Variants in CCDC178 observed in about 807,000 individuals in gnomAD.
CCDC178 encodes coiled-coil domain containing 178.
In CCDC178, 126 loss-of-function variants were observed where a neutral mutation model predicts 117.4. The observed-to-expected ratio is 1.07, with a 90% confidence interval of 0.93 to 1.24. The LOEUF (loss-of-function observed/expected upper bound fraction) is 1.24, where lower values mean the gene tolerates loss of function less well. Ranked by LOEUF, CCDC178 falls within the 50% of genes most tolerant of loss-of-function variation. The pLI is 0.00. For missense variants in CCDC178, 1,030 were observed against 986.9 expected (o/e 1.04, Z -0.59); for synonymous variants, 283 against 313.4 (o/e 0.90, Z 1.02).
At chr18:33,054,237 A>G (rs1243262667) in intron 21 of CCDC178, among the ~76,000 whole-genome samples, 2 of 152,284 alleles carry the variant, frequency 1.3e-5, no homozygotes, top group African/African-American at 4.8e-5. Flanking sequence ...TCAAATAAAT[A>G]TGACAGTCAT....
At chr18:33,389,477 A>G (rs927951402) in intron 5 of CCDC178, 63 bp downstream of exon 5, 2 of 692,814 alleles carry the variant, frequency 2.9e-6, no homozygotes, top group Middle Eastern at 4.0e-4. Context: ...GACATTATAG[A>G]CTAATGAGAT....
intron 21 of CCDC178, among the ~76,000 whole-genome samples, chr18:33,003,148 G>C (rs1392684370): frequency 1.3e-5 from 2 of 152,038 alleles, no homozygotes; most frequent in Non-Finnish European, 2.9e-5. Context: ...AAAAATAGAG[G>C]AGTTAGAAAC....
At position 33,011,895 on chromosome 18, in the gene CCDC178, C is replaced by T. The variant is rs149230118; in HGVS notation, c.2389-37214G>A. Among the ~76,000 whole-genome samples, 559 of 142,680 alleles carry T rather than the reference C, an allele frequency of 3.9e-3. 4 individuals carry two copies. Among genetic ancestry groups the T allele is most frequent in the African/African-American group, 0.013 (521 of 38,928 alleles). The allele number at this position is 142,680 out of a possible 152,430, so 93.6% of individuals were successfully genotyped here. A position where few individuals can be genotyped will look rare whatever the true frequency, so the allele number is the denominator to read the frequency against. On this transcript the variant is annotated intron_variant, in intron 21 of 22. Coordinates refer to ENST00000383096, the MANE Select transcript of CCDC178 (RefSeq NM_001105528.4). ...GATGGTTACGGTGGGCTGCAGTGAT[C>T]GGGCTATAGGCATATGTGACTGAGT...
At chr18:33,040,382 A>G (rs902758324) in intron 21 of CCDC178, among the ~76,000 whole-genome samples, 1 of 151,948 alleles carries the variant, frequency 6.6e-6, no homozygotes, top group African/African-American at 2.4e-5. Flanking sequence ...AGAAGATAAA[A>G]CAAATGTATA....
chr18:33,406,585 AG>A (rs1354077285), intron 3 of CCDC178, among the ~76,000 whole-genome samples: 2 of 152,140 alleles, frequency 1.3e-5, no homozygotes, highest in Non-Finnish European at 2.9e-5. Flanking sequence ...AAAGATTGAA[AG>A]GATAAAAATT....
rs572306437 is a variant in CCDC178 at position 33,173,749 on chromosome 18, G to A, written c.2238+38147C>T. Among the ~76,000 whole-genome samples the A allele has an allele frequency of 6.6e-5, 10 of 152,292 alleles. No individual in the cohort carries two copies. The South Asian group carries it at 2.1e-3, about 32-fold the overall frequency. ...TCCTTCCTTTGTCTTGCATTGATGA[G>A]AACACTTGGTATACAGAGTTCTCTC... On this transcript the variant is annotated intron_variant, in intron 20 of 22. Coordinates refer to ENST00000383096, the MANE Select transcript of CCDC178 (RefSeq NM_001105528.4).
In CCDC178 at chr18:33,379,498, C is replaced by A. The variant is rs2063412782; in HGVS notation, c.209-9309G>T. 2.6e-5 allele frequency among the ~76,000 whole-genome samples: 4 copies of A among 152,140 alleles called. No individual in the cohort carries two copies. The South Asian group carries it at 8.3e-4, about 32-fold the overall frequency. The stretch of plus-strand genomic sequence containing the variant: ...ATTCCTGGAGTATACAGTCTGAGTT[C>A]CCTCTAGATGGGCAGGACACTCTGG... On this transcript the variant is annotated intron_variant, in intron 5 of 22. Coordinates refer to ENST00000383096, the MANE Select transcript of CCDC178 (RefSeq NM_001105528.4).
intron 10 of CCDC178, among the ~76,000 whole-genome samples, chr18:33,329,904 T>C (rs1450852167): frequency 1.3e-5 from 2 of 149,686 alleles, no homozygotes; most frequent in Non-Finnish European, 3.0e-5. Flanking sequence ...TGTGTGTGTG[T>C]GTGTGTGTGT....
intron 20 of CCDC178, among the ~76,000 whole-genome samples, chr18:33,174,060 G>C (rs2058635371): frequency 1.3e-5 from 2 of 152,158 alleles, no homozygotes; most frequent in Non-Finnish European, 2.9e-5. Flanking sequence ...TCTGCAGGCT[G>C]TACAGGAAGC....
At chr18:33,314,147 G>A (rs907711993) in intron 11 of CCDC178, among the ~76,000 whole-genome samples, 1 of 135,670 alleles carries the variant, frequency 7.4e-6, no homozygotes, top group Non-Finnish European at 1.5e-5. Flanking sequence ...CTTGCAGTGA[G>A]CCGAGATCCC....
chr18:33,190,927 A>G (rs1174741381), intron 20 of CCDC178, among the ~76,000 whole-genome samples: 2 of 152,136 alleles, frequency 1.3e-5, no homozygotes, highest in African/African-American at 4.8e-5. Flanking sequence ...CAGTCCTTCT[A>G]TTCAAATACA....
chr18:33,371,784 T>TACACACAC (rs146013235), intron 5 of CCDC178, among the ~76,000 whole-genome samples: 20,602 of 144,112 alleles, frequency 0.14, 1,610 homozygotes, highest in Non-Finnish European at 0.18. Flanking sequence ...TAAACATATA[T>TACACACAC]ACACACACAC....
chr18:32,981,662 C>T (rs966088173), intron 21 of CCDC178, among the ~76,000 whole-genome samples: 8 of 152,116 alleles, frequency 5.3e-5, no homozygotes, highest in African/African-American at 1.9e-4. Flanking sequence ...TCCTATTATA[C>T]GTGACCATCT....
chr18:33,036,030 T>C (rs943622585), intron 21 of CCDC178, among the ~76,000 whole-genome samples: 47 of 151,996 alleles, frequency 3.1e-4, no homozygotes, highest in African/African-American at 1.0e-3. Context: ...CTTGAAAAAA[T>C]AGTAATGTGG....
intron 14 of CCDC178, among the ~76,000 whole-genome samples, chr18:33,258,612 C>A (rs1273362441): frequency 6.6e-6 from 1 of 152,116 alleles, no homozygotes; most frequent in African/African-American, 2.4e-5. Flanking sequence ...TTTTCCTATA[C>A]AACAATGTAA....
chr18:33,151,218 C>T (rs930633471), intron 20 of CCDC178, among the ~76,000 whole-genome samples: 9 of 151,962 alleles, frequency 5.9e-5, no homozygotes, highest in Non-Finnish European at 1.3e-4. Flanking sequence ...CAAAATACCA[C>T]CTGTACCCCA....
chr18:32,937,583 T>A lies in CCDC178; in HGVS notation c.*428A>T, dbSNP rs2054147042. Reference sequence around the variant, plus strand: ...GTACATTAGACAGAGTGTCTCAAAGTGTCACATGGGCATAGATATTGTTAC... The same window carrying A: ...GTACATTAGACAGAGTGTCTCAAAGAGTCACATGGGCATAGATATTGTTAC... On this transcript the variant is annotated 3_prime_UTR_variant, in exon 23 of 23. Coordinates refer to ENST00000383096, the MANE Select transcript of CCDC178 (RefSeq NM_001105528.4). 1 of 161,182 alleles carries A rather than the reference T, an allele frequency of 6.2e-6. No individual in the cohort carries two copies. The highest frequency in any genetic ancestry group is 1.8e-4 in the East Asian group (1 of 5,640). The allele number at this position is 161,182 out of a possible 1,614,324, so 10.0% of individuals were successfully genotyped here.
At chr18:33,111,252 T>G (rs1350207951) in intron 20 of CCDC178, among the ~76,000 whole-genome samples, 1 of 151,616 alleles carries the variant, frequency 6.6e-6, no homozygotes. Context: ...TATCCATTGA[T>G]TCTCACAAAT....
intron 6 of CCDC178, among the ~76,000 whole-genome samples, chr18:33,362,029 T>A (rs1294786088): frequency 1.3e-5 from 2 of 151,698 alleles, no homozygotes; most frequent in East Asian, 1.9e-4. Context: ...TTATTCACAA[T>A]AGCCAAGATA....
Sources: gnomAD v4.1 joint callset for allele counts (sites outside exome capture counted in the v4.1 genomes callset) on GRCh38, gnomAD v4.1.1 for gene constraint, MANE v1.5 for transcripts, NCBI Gene and HGNC (gene_info 2026-07-23, HGNC 2026-07-21) for gene names.